OR11H4: variants seen among roughly 807,000 people sequenced by gnomAD.
OR11H4 encodes olfactory receptor 11H4.
For missense variants in OR11H4, 460 were observed against 371.1 expected (o/e 1.24, Z -1.97); for synonymous variants, 162 against 142.3 (o/e 1.14, Z -0.98).
chr14:20,242,666 A>G (rs1566371272), intron 1 of OR11H4, 145 bp from the exon 2 acceptor site: 3 of 888,434 alleles, frequency 3.4e-6, no homozygotes, highest in East Asian at 2.5e-5. Context: ...TTGGTAGGAC[A>G]TATTCCCACC....
chr14:20,239,558 A>G (rs769317233), intron 1 of OR11H4, among the ~76,000 whole-genome samples: 58 of 152,012 alleles, frequency 3.8e-4, no homozygotes, highest in African/African-American at 1.1e-3. Context: ...GCCGGGCGTG[A>G]TGGCGGGCGC....
In OR11H4 at chr14:20,243,350, T is replaced by C; in HGVS notation, c.529T>C (p.Phe177Leu). 1 of 1,613,948 alleles carries C rather than the reference T, an allele frequency of 6.2e-7. No homozygotes were observed. The highest frequency in any genetic ancestry group is 8.5e-7 in the Non-Finnish European group (1 of 1,179,828). Residue 177 changes from phenylalanine (F) to leucine (L), a missense_variant, in exon 2 of 2, where the codon TTC (phenylalanine) becomes CTC (leucine). By Grantham distance (22) the Phe-to-Leu change is conservative. Coordinates refer to ENST00000641082, the MANE Select transcript of OR11H4 (RefSeq NM_001004479.2). Reference sequence around the variant, plus strand: ...CTGTGGTCCTAATATCATTGATCACTTCCTGTGTGACATGGACCCATTGAT... The same window carrying C: ...CTGTGGTCCTAATATCATTGATCACCTCCTGTGTGACATGGACCCATTGAT... ...PFCGPNIIDH[F>L]LCDMDPLMAL...
At chr14:20,242,014 T>G (rs1880938837) in intron 1 of OR11H4, among the ~76,000 whole-genome samples, 2 of 152,026 alleles carry the variant, frequency 1.3e-5, no homozygotes, top group Admixed American at 6.6e-5. Flanking sequence ...TGAACAAATG[T>G]ACAATCGGGT....
intron 1 of OR11H4, among the ~76,000 whole-genome samples, chr14:20,240,043 A>G (rs1043751732): frequency 6.6e-6 from 1 of 152,172 alleles, no homozygotes; most frequent in Non-Finnish European, 1.5e-5. Context: ...AGAGTAGGGT[A>G]GTAGAAAAGA....
rs1594243464 is a variant in OR11H4, at chr14:20,242,893, G to C, written c.72G>C (p.Gln24His). 1 of 1,614,140 alleles carries C rather than the reference G, an allele frequency of 6.2e-7. No individual in the cohort carries two copies. The change falls in exon 2 of 2, where the codon CAG (glutamine) becomes CAC (histidine). Residue 24 changes from glutamine (Q) to histidine (H), a missense_variant. By Grantham distance (24) the Gln-to-His change is conservative (BLOSUM62 0). Coordinates refer to ENST00000641082, the MANE Select transcript of OR11H4 (RefSeq NM_001004479.2). ...GATTCCCTGGTTGCTGGAAGATTCA[G>C]ATTTTCCTCTTCTCATTGTTTTTGG... ...LLGFPGCWKI[Q>H]IFLFSLFLVI...
chr14:20,243,736 G>C lies in OR11H4; in HGVS notation c.915G>C (p.Leu305=). The C allele has an allele frequency of 6.3e-7, 1 of 1,584,736 alleles. No homozygotes were observed. The highest frequency in any genetic ancestry group is 8.6e-7 in the Non-Finnish European group (1 of 1,165,992). ...TGAAACTCGCTCTGAGAAATGTCCT[G>C]TTTGGAATGAGAATTCGTCAAAATT... ...KDMKLALRNV[L]FGMRIRQNS is the part of the protein sequence containing the mutation. Residue 305 remains leucine (L), a synonymous_variant, in exon 2 of 2, where the codon CTG becomes CTC. Transcript: ENST00000641082.
chr14:20,240,930 TAA>T (rs1262403710), intron 1 of OR11H4, among the ~76,000 whole-genome samples: 4 of 152,166 alleles, frequency 2.6e-5, no homozygotes, highest in Non-Finnish European at 5.9e-5. Context: ...TAATCAAGTA[TAA>T]GATTACTGTT....
In OR11H4 at chr14:20,243,156, G is replaced by T. The variant is rs769039232; in HGVS notation, c.335G>T (p.Cys112Phe). 6.8e-6 allele frequency: 11 copies of T among 1,614,060 alleles called. No homozygotes were observed. The African/African-American group carries it at 1.5e-4, about 22-fold the overall frequency. Residue 112 changes from cysteine to phenylalanine, a missense_variant, in exon 2 of 2, where the codon TGT (cysteine) becomes TTT (phenylalanine). Transcript: ENST00000641082. The part of the protein sequence containing the change: ...YFFFSLGTTE[C>F]LFLAVMAYDR... ...TTCTTTTCACTGGGAACAACTGAAT[G>T]TCTCTTTCTGGCAGTAATGGCTTAT...
Position 20,243,800 on chromosome 14 carries a change from A to G in OR11H4, c.*34A>G. Reference sequence around the variant, plus strand: ...TGTGCCATACTTACAAGTTCTAACGAAGAACAAGGTCGAGATGTTGTCAGT... The same window carrying G: ...TGTGCCATACTTACAAGTTCTAACGGAGAACAAGGTCGAGATGTTGTCAGT... On this transcript the variant is annotated 3_prime_UTR_variant, in exon 2 of 2. Transcript: ENST00000641082. 3 of 1,538,100 alleles carry G rather than the reference A, an allele frequency of 2.0e-6. No individual in the cohort carries two copies. The highest frequency in any genetic ancestry group is 4.5e-5 in the East Asian group (2 of 44,326).
At position 20,241,647 on chromosome 14, in the gene OR11H4, A is replaced by G. The variant is rs146485101; in HGVS notation, c.-11-1164A>G. 9.3e-3 allele frequency among the ~76,000 whole-genome samples: 1,415 copies of G among 152,312 alleles called. 22 individuals carry two copies. The highest frequency in any genetic ancestry group is 0.032 in the African/African-American group (1,320 of 41,560). On this transcript the variant is annotated intron_variant, in intron 1 of 1. Coordinates refer to ENST00000641082, the MANE Select transcript of OR11H4 (RefSeq NM_001004479.2). ...AAGAAATAAGACACAGAGACAAAGT[A>G]TAGAGAAACAACAGTGAGCCCAGGG...
Position 20,242,865 on chromosome 14 carries a change from TG to T in OR11H4, c.47del (p.Gly16AspfsTer18). On this transcript the variant is annotated frameshift_variant, in exon 2 of 2. Coordinates refer to ENST00000641082, the MANE Select transcript of OR11H4 (RefSeq NM_001004479.2). LOFTEE classifies it low-confidence loss of function (END_TRUNC). ...ATHIVTEFIL[L>X]GFPGCWKIQI... ...CACATCGTGACAGAGTTTATTCTCCTGGGATTCCCTGGTTGCTGGAAGATTC... is the reference window on the plus strand; with the variant it reads ...CACATCGTGACAGAGTTTATTCTCCTGGATTCCCTGGTTGCTGGAAGATTC... 6.2e-7 allele frequency: 1 copy of T among 1,614,148 alleles called. No individual in the cohort carries two copies.
intron 1 of OR11H4, among the ~76,000 whole-genome samples, chr14:20,241,002 A>C (rs538811225): frequency 2.6e-5 from 4 of 152,238 alleles, no homozygotes; most frequent in African/African-American, 7.2e-5. Flanking sequence ...TTGCTACTGA[A>C]AAGTACATAC....
At chr14:20,242,459 T>C (rs1350077959) in intron 1 of OR11H4, among the ~76,000 whole-genome samples, 1 of 152,172 alleles carries the variant, frequency 6.6e-6, no homozygotes, top group Non-Finnish European at 1.5e-5. Context: ...GGGGCAAAGC[T>C]ACAAATTAAC....
intron 1 of OR11H4, among the ~76,000 whole-genome samples, chr14:20,241,437 A>C (rs1417228701): frequency 6.6e-6 from 1 of 152,190 alleles, no homozygotes; most frequent in Non-Finnish European, 1.5e-5. Flanking sequence ...AAAATTGATG[A>C]ACTTGTGCTA....
chr14:20,239,547 A>G (rs548839875), intron 1 of OR11H4, among the ~76,000 whole-genome samples: 411 of 152,224 alleles, frequency 2.7e-3, no homozygotes, highest in Non-Finnish European at 4.7e-3. Context: ...ACAAAAAATT[A>G]GCCGGGCGTG....
intron 1 of OR11H4, among the ~76,000 whole-genome samples, chr14:20,242,049 A>G (rs986789833): frequency 7.2e-5 from 11 of 152,006 alleles, no homozygotes; most frequent in Non-Finnish European, 1.5e-4. Flanking sequence ...TTCAGTTCCC[A>G]GGGGCAAGCA....
chr14:20,242,852 G>A lies in OR11H4; in HGVS notation c.31G>A (p.Glu11Lys), dbSNP rs1052991011. The A allele has an allele frequency of 2.5e-6, 4 of 1,613,968 alleles. No individual in the cohort carries two copies. Among genetic ancestry groups the A allele is most frequent in the African/African-American group, 1.3e-5 (1 of 74,920 alleles). Residue 11 changes from glutamate to lysine, a missense_variant, in exon 2 of 2, where the codon GAG (glutamate) becomes AAG (lysine). Coordinates refer to ENST00000641082, the MANE Select transcript of OR11H4 (RefSeq NM_001004479.2). MNRSATHIVT[E>K]FILLGFPGCW... ...CAGGTCAGCAACACACATCGTGACA[G>A]AGTTTATTCTCCTGGGATTCCCTGG... is the stretch of plus-strand genomic sequence containing the variant.
rs1566371636 is a variant in OR11H4, at chr14:20,243,217, C to T, written c.396C>T (p.Tyr132=). The change falls in exon 2 of 2, where the codon TAC becomes TAT. Residue 132 remains tyrosine (Y), a synonymous_variant. Transcript: ENST00000641082. ...TGGCCATCTGCCACCCACTGCAGTA[C>T]CCTGCCATCATGACTGTAAGGTTCT... The part of the protein sequence containing the change: ...RYLAICHPLQ[Y]PAIMTVRFCG... The T allele has an allele frequency of 6.2e-7, 1 of 1,613,974 alleles. No homozygotes were observed. The highest frequency in any genetic ancestry group is 8.5e-7 in the Non-Finnish European group (1 of 1,179,946).
At position 20,242,914 on chromosome 14, in the gene OR11H4, T is replaced by G; in HGVS notation, c.93T>G (p.Phe31Leu). The G allele has an allele frequency of 5.6e-6, 9 of 1,614,196 alleles. No individual in the cohort carries two copies. Among genetic ancestry groups the G allele is most frequent in the Non-Finnish European group, 7.6e-6 (9 of 1,180,022 alleles). The change falls in exon 2 of 2, where the codon TTT (phenylalanine) becomes TTG (leucine). Residue 31 changes from phenylalanine to leucine, a missense_variant. Phe to Leu is a conservative substitution (Grantham distance 22). Transcript: ENST00000641082. ...TTCAGATTTTCCTCTTCTCATTGTT[T>G]TTGGTGATTTATGTCTTGACCTTGC... ...WKIQIFLFSLFLVIYVLTLLG... is the reference protein window; with the variant it reads ...WKIQIFLFSLLLVIYVLTLLG...
Sources: gnomAD v4.1 joint callset for allele counts (sites outside exome capture counted in the v4.1 genomes callset) on GRCh38, gnomAD v4.1.1 for gene constraint, MANE v1.5 for transcripts, NCBI Gene and HGNC (gene_info 2026-07-23, HGNC 2026-07-21) for gene names.